RGS6: variants seen among roughly 807,000 people sequenced by gnomAD.
RGS6 encodes the protein regulator of G-protein signaling 6.
A neutral mutation model predicts 78.5 loss-of-function variants in RGS6; 30 were observed. That is an observed-to-expected ratio of 0.38 (90% CI 0.29 to 0.52). The LOEUF (loss-of-function observed/expected upper bound fraction) is 0.52. RGS6 is among the 20% of genes least tolerant of loss of function. The pLI is 0.85. For synonymous variants in RGS6, 206 were observed against 206.0 expected (o/e 1.00, Z 0.00); for missense variants, 495 against 609.7 (o/e 0.81, Z 1.98).
chr14:72,366,428 A>G (rs2082458909), intron 3 of RGS6, among the ~76,000 whole-genome samples: 1 of 152,208 alleles, frequency 6.6e-6, no homozygotes, highest in Non-Finnish European at 1.5e-5. Context: ...TGAAAAATTA[A>G]GAGCTGTAAG....
the RGS6 span, among the ~76,000 whole-genome samples, chr14:71,885,672 G>C: frequency 6.6e-6 from 1 of 152,126 alleles, no homozygotes; most frequent in African/African-American, 2.4e-5. Context: ...CATAAACAAG[G>C]GCTGCAAAAT....
At chr14:72,401,424 G>A (rs1160163561) in intron 3 of RGS6, among the ~76,000 whole-genome samples, 3 of 151,878 alleles carry the variant, frequency 2.0e-5, no homozygotes, top group South Asian at 2.1e-4. Flanking sequence ...GACACACTCC[G>A]TCATTTGTGA....
At chr14:72,422,917 G>A (rs928843973) in intron 3 of RGS6, among the ~76,000 whole-genome samples, 6 of 152,216 alleles carry the variant, frequency 3.9e-5, no homozygotes, top group Admixed American at 6.5e-5. Flanking sequence ...GAGCGGACTC[G>A]CTTGCAGAGC....
chr14:72,200,961 TAA>T (rs10577203), intron 2 of RGS6, among the ~76,000 whole-genome samples: 11,912 of 120,612 alleles, frequency 0.099, 686 homozygotes, highest in East Asian at 0.21. Flanking sequence ...GTGCTCTGCT[TAA>T]AAAAAAAAAA....
intron 2 of RGS6, among the ~76,000 whole-genome samples, chr14:72,285,643 G>T (rs562974990): frequency 6.6e-6 from 1 of 152,276 alleles, no homozygotes; most frequent in East Asian, 1.9e-4. Flanking sequence ...TCCACTAACA[G>T]TGTACAAGGG....
At chr14:72,119,501 A>G (rs1038712448) in intron 2 of RGS6, among the ~76,000 whole-genome samples, 3 of 152,248 alleles carry the variant, frequency 2.0e-5, no homozygotes, top group Non-Finnish European at 4.4e-5. Context: ...TGAATTTTCC[A>G]TGAATGTCCT....
intron 2 of RGS6, among the ~76,000 whole-genome samples, chr14:71,965,777 T>G (rs2093473843): frequency 6.6e-6 from 1 of 151,840 alleles, no homozygotes; most frequent in Non-Finnish European, 1.5e-5. Context: ...GATTTCTGTG[T>G]CTGTGTGAAA....
chr14:72,243,362 T>C (rs570819811), intron 2 of RGS6, among the ~76,000 whole-genome samples: 1 of 152,326 alleles, frequency 6.6e-6, no homozygotes, highest in South Asian at 2.1e-4. Context: ...TTGACTTTTG[T>C]CGCCACCCTT....
the RGS6 span, among the ~76,000 whole-genome samples, chr14:72,574,693 C>T: frequency 6.6e-6 from 1 of 152,134 alleles, no homozygotes; most frequent in East Asian, 1.9e-4. Context: ...GGCATAGGAA[C>T]AAATAGAATG....
Position 71,936,015 on chromosome 14 carries a change from GATATATATAT to G in RGS6, c.-21+3091_-21+3100del, listed in dbSNP as rs55686505. ...TCTCTTAGAGGGACAGAACTAATAG[GATATATATAT>G]ATATATATATATATATGTACATATA... is the stretch of plus-strand genomic sequence containing the variant. On this transcript the variant is annotated intron_variant, in intron 1 of 17. Coordinates refer to ENST00000553525, the MANE Select transcript of RGS6 (RefSeq NM_001204424.2). Among the ~76,000 whole-genome samples the G allele has an allele frequency of 4.1e-4, 26 of 63,784 alleles. No homozygotes were observed. The South Asian group carries it at 5.3e-3, about 13-fold the overall frequency. The allele number at this position is 63,784 out of a possible 152,430, so 41.8% of individuals were successfully genotyped here. A position where few individuals can be genotyped will look rare whatever the true frequency, so the allele number is the denominator to read the frequency against.
intron 2 of RGS6, among the ~76,000 whole-genome samples, chr14:72,350,977 A>AAC (rs1415584415): frequency 1.3e-5 from 2 of 152,186 alleles, no homozygotes; most frequent in African/African-American, 4.8e-5. Context: ...CTTTGCCTCT[A>AAC]ACAAGTTATC....
At chr14:72,123,587 A>G (rs1160425058) in intron 2 of RGS6, among the ~76,000 whole-genome samples, 2 of 152,346 alleles carry the variant, frequency 1.3e-5, no homozygotes, top group South Asian at 2.1e-4. Flanking sequence ...GGTGTGGCAG[A>G]AATCACACTT....
chr14:72,270,112 G>A (rs915535954), intron 2 of RGS6, among the ~76,000 whole-genome samples: 4 of 152,204 alleles, frequency 2.6e-5, no homozygotes, highest in African/African-American at 9.7e-5. Context: ...GCTTCCTGGA[G>A]GAGGTGCTAG....
chr14:72,168,259 G>C (rs8009180), intron 2 of RGS6, among the ~76,000 whole-genome samples: 17 of 151,982 alleles, frequency 1.1e-4, no homozygotes, highest in African/African-American at 3.9e-4. Context: ...GAGGATCCAC[G>C]TAAACACCCC....
intron 2 of RGS6, among the ~76,000 whole-genome samples, chr14:72,126,624 A>G (rs1375355753): frequency 6.6e-6 from 1 of 152,178 alleles, no homozygotes; most frequent in Non-Finnish European, 1.5e-5. Flanking sequence ...GGTGCTAAAT[A>G]TTTAGGCAAC....
chr14:72,238,407 T>G (rs930150782), intron 2 of RGS6, among the ~76,000 whole-genome samples: 2 of 152,126 alleles, frequency 1.3e-5, no homozygotes, highest in Admixed American at 1.3e-4. Context: ...ACCCAGTACT[T>G]CCCTGTCTCC....
At chr14:72,179,639 A>G (rs1368522790) in intron 2 of RGS6, among the ~76,000 whole-genome samples, 1 of 146,158 alleles carries the variant, frequency 6.8e-6, no homozygotes, top group African/African-American at 2.5e-5. Flanking sequence ...TGTGATTTGT[A>G]TGTTCCCTTC....
chr14:72,530,146 C>T (rs1157996578), intron 15 of RGS6, among the ~76,000 whole-genome samples: 2 of 152,162 alleles, frequency 1.3e-5, no homozygotes. Context: ...GAAGAGCTGT[C>T]TAGGGGAGGT....
At chr14:72,594,127 A>C in the RGS6 span, among the ~76,000 whole-genome samples, 1 of 152,174 alleles carries the variant, frequency 6.6e-6, no homozygotes, top group African/African-American at 2.4e-5. Context: ...CAAGTCTTTT[A>C]TGAGGTAAGT....
Sources: gnomAD v4.1 joint callset for allele counts (sites outside exome capture counted in the v4.1 genomes callset) on GRCh38, gnomAD v4.1.1 for gene constraint, MANE v1.5 for transcripts, NCBI Gene and HGNC (gene_info 2026-07-23, HGNC 2026-07-21) for gene names.